CDH17: variants seen among roughly 807,000 people sequenced by gnomAD.
The protein encoded by CDH17 is cadherin-17.
In CDH17, 67 loss-of-function variants were observed where a neutral mutation model predicts 86.3. That is an observed-to-expected ratio of 0.78 (90% CI 0.64 to 0.95). CDH17 has a LOEUF of 0.95. CDH17 is among the 40% of genes least tolerant of loss of function. The probability of loss-of-function intolerance (pLI) is 0.00; values close to 1 mark genes in which losing one functional copy is unlikely to be tolerated. For synonymous variants in CDH17, 367 were observed against 366.4 expected (o/e 1.00, Z -0.02); for missense variants, 993 against 1,017.6 (o/e 0.98, Z 0.33).
At chr8:94,199,079 ATATATTTTTTT>A (rs1333682885) in intron 1 of CDH17, among the ~76,000 whole-genome samples, 90 of 8,808 alleles carry the variant, frequency 0.01, no homozygotes, top group Non-Finnish European at 0.027. Flanking sequence ...ATATATATAT[ATATATTTTTTT>A]TTTTTTATCA....
At chr8:94,163,846 G>A (rs772040614) in intron 10 of CDH17, among the ~76,000 whole-genome samples, 6 of 152,186 alleles carry the variant, frequency 3.9e-5, no homozygotes, top group Non-Finnish European at 8.8e-5. Flanking sequence ...GAAGACTGGA[G>A]TGGTCCCAGA....
At chr8:94,158,842 C>A (rs575507028) in intron 12 of CDH17, among the ~76,000 whole-genome samples, 30 of 152,180 alleles carry the variant, frequency 2.0e-4, no homozygotes, top group Non-Finnish European at 3.2e-4. Flanking sequence ...AGCACTAGTG[C>A]TTTTTTCTCT....
intron 12 of CDH17, among the ~76,000 whole-genome samples, chr8:94,157,092 G>A (rs921948336): frequency 6.6e-6 from 1 of 152,186 alleles, no homozygotes; most frequent in Admixed American, 6.5e-5. Context: ...CAGAATCAGT[G>A]GGAGAAGCAA....
chr8:94,137,543 G>T (rs866618735), intron 15 of CDH17, among the ~76,000 whole-genome samples: 59 of 152,256 alleles, frequency 3.9e-4, no homozygotes, highest in African/African-American at 1.4e-3. Context: ...GGTACAGTCT[G>T]TCATGGCTTC....
At chr8:94,199,182 T>C (rs139085469) in intron 1 of CDH17, among the ~76,000 whole-genome samples, 110 of 151,326 alleles carry the variant, frequency 7.3e-4, no homozygotes, top group Non-Finnish European at 1.4e-3. Context: ...GGTCTCTTCA[T>C]ACTATCCCTT....
chr8:94,162,932 C>T (rs1813083064), intron 10 of CDH17, among the ~76,000 whole-genome samples: 1 of 152,208 alleles, frequency 6.6e-6, no homozygotes, highest in Non-Finnish European at 1.5e-5. Flanking sequence ...CCATGGTGCA[C>T]TGCACTGTAT....
chr8:94,187,508 T>C (rs182403725), intron 3 of CDH17, among the ~76,000 whole-genome samples: 2 of 152,336 alleles, frequency 1.3e-5, no homozygotes, highest in Admixed American at 1.3e-4. Context: ...GTAATTCAAC[T>C]CTGTGTGAGC....
Position 94,194,697 on chromosome 8 carries a change from T to C in CDH17, c.-12A>G, listed in dbSNP as rs1237263223. On this transcript the variant is annotated 5_prime_UTR_variant, in exon 2 of 18. Coordinates refer to ENST00000027335, the MANE Select transcript of CDH17 (RefSeq NM_004063.4). ...GCCTGAAGTATCATAGTTTTCTTTA[T>C]TCAAATTCCTGTGAAGGAACCAGAT... 1 of 1,585,844 alleles carries C rather than the reference T, an allele frequency of 6.3e-7. No homozygotes were observed.
intron 1 of CDH17, among the ~76,000 whole-genome samples, chr8:94,195,961 C>T (rs889824701): frequency 6.6e-6 from 1 of 151,956 alleles, no homozygotes; most frequent in Admixed American, 6.6e-5. Flanking sequence ...GGGGTTTTGC[C>T]GTGTTAGCCA....
chr8:94,143,894 C>T (rs1055458959), intron 15 of CDH17, among the ~76,000 whole-genome samples: 1 of 152,162 alleles, frequency 6.6e-6, no homozygotes, highest in African/African-American at 2.4e-5. Context: ...CCCTTAATGG[C>T]AATAAGGCTA....
chr8:94,208,063 T>C lies in CDH17; in HGVS notation c.-21+420A>G, dbSNP rs1256315321. 2.6e-5 allele frequency among the ~76,000 whole-genome samples: 4 copies of C among 152,228 alleles called. No individual in the cohort carries two copies. The East Asian group carries it at 5.8e-4, about 22-fold the overall frequency. ...TGAATCTCATTCTCTGAGAAGTAGA[T>C]AGAATGACATGCTTTTTGAGAATGT... On this transcript the variant is annotated intron_variant, in intron 1 of 17. Transcript: ENST00000027335.
rs1044918847 is a variant in CDH17, at chr8:94,151,019, T to C, written c.1796+849A>G. Among the ~76,000 whole-genome samples the C allele has an allele frequency of 5.3e-5, 8 of 152,178 alleles. 1 individual carries two copies. The highest frequency in any genetic ancestry group is 1.2e-4 in the Non-Finnish European group (8 of 68,022). On this transcript the variant is annotated intron_variant, in intron 13 of 17. Coordinates refer to ENST00000027335, the MANE Select transcript of CDH17 (RefSeq NM_004063.4). ...TCCAAGTGCCTGAAGGACAGCTCAA[T>C]GGGAGGCAAGACTCCCTCCAGATGT... is the stretch of plus-strand genomic sequence containing the variant.
At chr8:94,156,932 G>T (rs531996098) in intron 12 of CDH17, among the ~76,000 whole-genome samples, 15 of 152,248 alleles carry the variant, frequency 9.9e-5, no homozygotes, top group African/African-American at 3.4e-4. Context: ...TACATCATTT[G>T]GTCAAGGCCA....
intron 1 of CDH17, among the ~76,000 whole-genome samples, chr8:94,199,167 TA>T (rs1385106093): frequency 1.3e-5 from 2 of 150,548 alleles, no homozygotes; most frequent in Non-Finnish European, 2.9e-5. Context: ...ATTTTTAACT[TA>T]TCAGGTCTCT....
At chr8:94,167,809 G>A (rs954581776) in intron 9 of CDH17, among the ~76,000 whole-genome samples, 1 of 151,982 alleles carries the variant, frequency 6.6e-6, no homozygotes, top group African/African-American at 2.4e-5. Context: ...CCCCTCGCTG[G>A]GAGCAGAGGA....
At chr8:94,159,820 C>T (rs550224098) in intron 12 of CDH17, 151 bp downstream of exon 12, 71 of 522,626 alleles carry the variant, frequency 1.4e-4, no homozygotes, top group Middle Eastern at 1.0e-3. Context: ...AAGACAGGAA[C>T]GACTAAGAGG....
chr8:94,132,650 T>C (rs182479421), intron 15 of CDH17, among the ~76,000 whole-genome samples: 404 of 152,358 alleles, frequency 2.7e-3, no homozygotes, highest in Admixed American at 7.2e-3. Context: ...TCTTTTGCTG[T>C]GCAGAAGCTC....
chr8:94,158,376 A>T (rs986413798), intron 12 of CDH17, among the ~76,000 whole-genome samples: 1 of 152,056 alleles, frequency 6.6e-6, no homozygotes, highest in Admixed American at 6.6e-5. Context: ...AATCATTGAG[A>T]TAGGTGCCAA....
At chr8:94,162,263 A>G (rs1325698150) in intron 10 of CDH17, 101 bp from the exon 11 acceptor site, 2 of 785,112 alleles carry the variant, frequency 2.5e-6, no homozygotes, top group African/African-American at 1.7e-5. Context: ...TGACAGCCAT[A>G]GCCACAATTT....
Sources: allele counts gnomAD v4.1 joint callset (sites outside exome capture counted in the v4.1 genomes callset), GRCh38; gene constraint gnomAD v4.1.1; transcripts MANE v1.5; gene names NCBI Gene and HGNC (gene_info 2026-07-23, HGNC 2026-07-21).